The following URB1 variants were observed in gnomAD, a reference collection of about 807,000 sequenced individuals.
URB1 encodes URB1 ribosome biogenesis factor.
A neutral mutation model predicts 242.3 loss-of-function variants in URB1; 197 were observed. The observed-to-expected ratio is 0.81, with a 90% CI of 0.72 to 0.91. URB1 has a LOEUF of 0.91. Among genes scored for constraint, URB1 ranks in the 40% least tolerant of loss-of-function variants. The pLI is 0.00. For missense variants in URB1, 2,721 were observed against 2,860.5 expected (o/e 0.95, Z 1.11); for synonymous variants, 1,153 against 1,201.8 (o/e 0.96, Z 0.84).
chr21:32,338,652 G>A (rs563247147), intron 26 of URB1, 55 bp downstream of exon 26: 1 of 1,540,342 alleles, frequency 6.5e-7, no homozygotes, highest in African/African-American at 1.4e-5. Flanking sequence ...CCAGTGTAAG[G>A]AAATCAGGAG....
intron 11 of URB1, among the ~76,000 whole-genome samples, chr21:32,362,730 A>G (rs1051462642): frequency 1.3e-5 from 2 of 152,180 alleles, no homozygotes; most frequent in Non-Finnish European, 2.9e-5. Context: ...AGCCATAGGA[A>G]GCAAGAGGGG....
intron 12 of URB1, 74 bp from the exon 13 acceptor site, chr21:32,361,197 A>AAGAAAGAAAGAAAGAAAGAAAGAG (rs1365100835): frequency 3.3e-6 from 3 of 901,500 alleles, no homozygotes; most frequent in Non-Finnish European, 4.9e-6. Flanking sequence ...GAAAGAAAGA[A>AAGAAAGAAAGAAAGAAAGAAAGAG]AGAAAGAAAA....
At chr21:32,358,950 C>T (rs1279442969) in intron 14 of URB1, among the ~76,000 whole-genome samples, 5 of 152,292 alleles carry the variant, frequency 3.3e-5, no homozygotes, top group Admixed American at 6.5e-5. Context: ...ACATGAAGCA[C>T]CCGTAACCTG....
chr21:32,350,818 C>G lies in URB1; in HGVS notation c.2718G>C (p.Glu906Asp). 1 of 1,551,380 alleles carries G rather than the reference C, an allele frequency of 6.4e-7. No homozygotes were observed. The change falls in exon 20 of 39, where the codon GAG (glutamate) becomes GAC (aspartate). Residue 906 changes from glutamate to aspartate, a missense_variant. Coordinates refer to ENST00000382751, the MANE Select transcript of URB1 (RefSeq NM_014825.3). Reference protein sequence around the residue: ...AAYESQALRDEHIQVQLQATM... With the variant: ...AAYESQALRDDHIQVQLQATM... ...TGGCCTGCAGCTGCACCTGGATGTGCTCGTCCCGAAGCGCTTGGCTCTCGT... is the reference window on the plus strand; with the variant it reads ...TGGCCTGCAGCTGCACCTGGATGTGGTCGTCCCGAAGCGCTTGGCTCTCGT...
chr21:32,358,851 G>C (rs918559284), intron 14 of URB1, among the ~76,000 whole-genome samples: 3 of 152,174 alleles, frequency 2.0e-5, no homozygotes, highest in Non-Finnish European at 4.4e-5. Flanking sequence ...TCCCATCCTG[G>C]ACCCACCACT....
rs1016520746 is a variant in URB1, at chr21:32,361,123, T to C, written c.1640A>G (p.Asp547Gly). The change falls in exon 13 of 39, where the codon GAT becomes GGT. Residue 547 changes from aspartate (D) to glycine (G), a missense_variant and splice_region_variant. Coordinates refer to ENST00000382751, the MANE Select transcript of URB1 (RefSeq NM_014825.3). The stretch of plus-strand genomic sequence containing the variant: ...TTTCAAAAGAATGGTTTCTGCATCA[T>C]CTGCACAAAAAAAAGAAAAAGAAAG... ...PPAACDAHQC[D>G]DAETILLKAV... The C allele has an allele frequency of 9.4e-6, 12 of 1,279,286 alleles. No individual in the cohort carries two copies. Among genetic ancestry groups the C allele is most frequent in the African/African-American group, 4.8e-5 (2 of 41,922 alleles). The allele number at this position is 1,279,286 out of a possible 1,614,324, so 79.2% of individuals were successfully genotyped here. A position where few individuals can be genotyped will look rare whatever the true frequency, so the allele number is the denominator to read the frequency against.
At chr21:32,368,669 G>T in intron 8 of URB1, 71 bp from the exon 9 acceptor site, 2 of 1,290,664 alleles carry the variant, frequency 1.5e-6, no homozygotes, top group Non-Finnish European at 2.1e-6. Flanking sequence ...TCATGGTGAC[G>T]TGCAGCTCTG....
rs76595678 is a variant in URB1, at chr21:32,352,644, A to G, written c.2613+66T>C. On this transcript the variant is annotated intron_variant, in intron 19 of 38. Coordinates refer to ENST00000382751, the MANE Select transcript of URB1 (RefSeq NM_014825.3). The stretch of plus-strand genomic sequence containing the variant: ...CTACCCAACTGCACAGCTGTGGCCC[A>G]GCCAGCTGGGACCCTGGGAAGAACC... 12,357 of 1,539,646 alleles carry G rather than the reference A, an allele frequency of 8.0e-3. 453 individuals are homozygous for G. The East Asian group carries it at 0.099, about 12-fold the overall frequency.
rs76754124 is a variant in URB1 at position 32,350,551 on chromosome 21, T to C, written c.2832+153A>G. 6.0e-3 allele frequency among the ~76,000 whole-genome samples: 917 copies of C among 152,322 alleles called. 9 individuals are homozygous for C. Among genetic ancestry groups the C allele is most frequent in the African/African-American group, 0.021 (890 of 41,566 alleles). ...GCAGGGCTGAGGGACATGAAGAGTT[T>C]GCAGCTGAGGTCTGGACAGAACAGC... On this transcript the variant is annotated intron_variant, in intron 20 of 38. Transcript: ENST00000382751.
intron 16 of URB1, among the ~76,000 whole-genome samples, 188 bp downstream of exon 16, chr21:32,355,261 A>G (rs138851682): frequency 1.3e-5 from 2 of 152,392 alleles, no homozygotes; most frequent in East Asian, 3.9e-4. Context: ...ATGAAACAGC[A>G]TGCTGTAATA....
chr21:32,339,850 G>A (rs1477247251), intron 25 of URB1, among the ~76,000 whole-genome samples: 1 of 152,134 alleles, frequency 6.6e-6, no homozygotes, highest in Non-Finnish European at 1.5e-5. Flanking sequence ...TAGTGGAAAC[G>A]CCAGGAGGCA....
chr21:32,367,526 C>A (rs1010251427), intron 9 of URB1, among the ~76,000 whole-genome samples: 2 of 152,176 alleles, frequency 1.3e-5, no homozygotes, highest in African/African-American at 4.8e-5. Context: ...GGTATTTTAC[C>A]ACTAGGCAAA....
Position 32,317,386 on chromosome 21 carries a change from G to T in URB1, c.6034+290C>A, listed in dbSNP as rs774012634. Among the ~76,000 whole-genome samples the T allele has an allele frequency of 3.7e-4, 56 of 152,196 alleles. 1 individual carries two copies. Among genetic ancestry groups the T allele is most frequent in the Admixed American group, 7.9e-4 (12 of 15,282 alleles). ...TCTTTTCCTTAACCCTGCACTACAG[G>T]AGGAGGTTGGGGCAAGTAGCTCATA... On this transcript the variant is annotated intron_variant, in intron 37 of 38. Coordinates refer to ENST00000382751, the MANE Select transcript of URB1 (RefSeq NM_014825.3).
intron 20 of URB1, among the ~76,000 whole-genome samples, chr21:32,350,430 G>C (rs182591917): frequency 1.1e-4 from 17 of 152,294 alleles, no homozygotes; most frequent in Admixed American, 2.6e-4. Context: ...AAAAAACAAA[G>C]GCCCGGCAGG....
intron 1 of URB1, among the ~76,000 whole-genome samples, chr21:32,390,418 GTCT>G (rs2033625191): frequency 1.3e-5 from 2 of 151,782 alleles, no homozygotes; most frequent in South Asian, 4.2e-4. Flanking sequence ...CTGCATAAAT[GTCT>G]TCTTTTGAGA....
Position 32,312,449 on chromosome 21 carries a change from C to T in URB1, c.*2469G>A, listed in dbSNP as rs1037603989. On this transcript the variant is annotated 3_prime_UTR_variant, in exon 39 of 39. Coordinates refer to ENST00000382751, the MANE Select transcript of URB1 (RefSeq NM_014825.3). The stretch of plus-strand genomic sequence containing the variant: ...CCGCCGGCTCCCCCAGATGTGATGG[C>T]ATCTGCCCTGCCAGGTCAGCTCACT... 16 of 518,698 alleles carry T rather than the reference C, an allele frequency of 3.1e-5. No individual in the cohort carries two copies. The highest frequency in any genetic ancestry group is 4.4e-5 in the Non-Finnish European group (16 of 362,268). 32.1% of individuals were successfully genotyped at this position (518,698 alleles called of 1,614,324 possible).
intron 37 of URB1, 105 bp from the exon 38 acceptor site, chr21:32,317,170 G>A (rs2032701999): frequency 7.0e-7 from 1 of 1,420,744 alleles, no homozygotes. Context: ...CGGCTTGCAT[G>A]TCCTGAGCAC....
chr21:32,363,219 T>G lies in URB1; in HGVS notation c.1446A>C (p.Ser482=), dbSNP rs774986042. The G allele has an allele frequency of 3.9e-6, 6 of 1,552,084 alleles. No individual in the cohort carries two copies. Among genetic ancestry groups the G allele is most frequent in the Middle Eastern group, 1.7e-4 (1 of 5,992 alleles). The change falls in exon 11 of 39, where the codon TCA becomes TCC. Residue 482 remains serine, a synonymous_variant. Transcript: ENST00000382751. ...HCLNKEVWQE[S]GVYTAVMMEE... is the part of the protein sequence containing the mutation. ...CCATCATCACAGCTGTGTACACGCC[T>G]GATTCCTGCCACACCTCTTTATTCA...
intron 5 of URB1, 133 bp downstream of exon 5, chr21:32,378,312 G>T: frequency 1.3e-6 from 1 of 758,800 alleles, no homozygotes; most frequent in Non-Finnish European, 2.2e-6. Context: ...CCACCTCCCT[G>T]CCCCACATCC....
Sources: allele counts gnomAD v4.1 joint callset (sites outside exome capture counted in the v4.1 genomes callset), GRCh38; gene constraint gnomAD v4.1.1; transcripts MANE v1.5; gene names NCBI Gene and HGNC (gene_info 2026-07-23, HGNC 2026-07-21).